Variants in OSBPL5 observed in about 807,000 individuals in gnomAD.
OSBPL5 encodes oxysterol-binding protein-related protein 5.
OSBPL5 carries 71 observed loss-of-function variants against 111.2 expected under a neutral mutation model. The observed-to-expected ratio is 0.64, with a 90% CI of 0.53 to 0.78. The LOEUF is 0.78. OSBPL5 is among the 30% of genes least tolerant of loss of function. OSBPL5 has a pLI of 0.00. For missense variants in OSBPL5, 1,210 were observed against 1,189.3 expected, an observed-to-expected ratio of 1.02 and a Z score of -0.26; for synonymous variants, 549 against 513.9, an observed-to-expected ratio of 1.07 and a Z score of -0.93.
Position 3,148,175 on chromosome 11 carries a change from C to T in OSBPL5, c.-22+17041G>A, listed in dbSNP as rs534722414. On this transcript the variant is annotated intron_variant, in intron 1 of 21. Transcript: ENST00000263650. The stretch of plus-strand genomic sequence containing the variant: ...TGTATACAGTACAGCCGGGACTCCC[C>T]GGGGAGCAGGTCGGAAACCGCACCT... Among the ~76,000 whole-genome samples, 7 of 152,222 alleles carry T rather than the reference C, an allele frequency of 4.6e-5. No individual in the cohort carries two copies. The East Asian group carries it at 5.8e-4, about 13-fold the overall frequency.
At chr11:3,117,221 G>T (rs946475601) in intron 7 of OSBPL5, among the ~76,000 whole-genome samples, 2 of 152,198 alleles carry the variant, frequency 1.3e-5, no homozygotes, top group South Asian at 4.1e-4. Flanking sequence ...TGGAACCAAT[G>T]AAAGCCCCTT....
At chr11:3,102,129 G>T (rs955105008) in intron 12 of OSBPL5, 54 bp downstream of exon 12, 9 of 1,503,768 alleles carry the variant, frequency 6.0e-6, no homozygotes, top group African/African-American at 1.4e-5. Flanking sequence ...CCCCCACAGA[G>T]CCCCGCCCCA....
Position 3,113,654 on chromosome 11 carries a change from C to CAA in OSBPL5, c.692-5711_692-5710dup, listed in dbSNP as rs71035486. On this transcript the variant is annotated intron_variant, in intron 7 of 21. Coordinates refer to ENST00000263650, the MANE Select transcript of OSBPL5 (RefSeq NM_020896.4). This position sits in a 1 kb window ranked among gnomAD's most constrained non-coding sequence, Gnocchi z 4.8. Reference sequence around the variant, plus strand: ...GGGAGACTAGAGCAAGACTCCGTCTCAAAAAAAAAAAAATTTATATTGGTT... The same window carrying CAA: ...GGGAGACTAGAGCAAGACTCCGTCTCAAAAAAAAAAAAAAATTTATATTGGTT... Among the ~76,000 whole-genome samples the CAA allele has an allele frequency of 2.7e-5, 4 of 146,060 alleles. No individual in the cohort carries two copies. The highest frequency in any genetic ancestry group is 1.0e-4 in the African/African-American group (4 of 39,482).
At chr11:3,131,684 A>ACCCT in intron 1 of OSBPL5, among the ~76,000 whole-genome samples, 1 of 140,454 alleles carries the variant, frequency 7.1e-6, no homozygotes. Flanking sequence ...CCATCCACCC[A>ACCCT]CCCACCCATT....
At chr11:3,100,377 G>C in intron 13 of OSBPL5, 121 bp from the exon 14 acceptor site, 1 of 798,064 alleles carries the variant, frequency 1.3e-6, no homozygotes, top group Non-Finnish European at 2.1e-6. Context: ...GGCACTTCCA[G>C]TGGTGTGTCT....
chr11:3,165,036 G>T lies in OSBPL5; in HGVS notation c.-22+180C>A, dbSNP rs1165662603. On this transcript the variant is annotated intron_variant, in intron 1 of 21. Transcript: ENST00000263650. The surrounding 1 kb of genome is among the most constrained non-coding windows in gnomAD (Gnocchi z 7.4). ...CAGCGCGCGACCGGCCCCGCGGCGT[G>T]GTTCCCCGCACTGGCTACTGCCAGG... 2.0e-5 allele frequency among the ~76,000 whole-genome samples: 3 copies of T among 150,806 alleles called. No homozygotes were observed. The highest frequency in any genetic ancestry group is 3.0e-5 in the Non-Finnish European group (2 of 67,572).
chr11:3,114,632 T>C (rs991016687), intron 7 of OSBPL5, among the ~76,000 whole-genome samples: 3 of 128,356 alleles, frequency 2.3e-5, no homozygotes, highest in African/African-American at 9.1e-5. Flanking sequence ...AGAGTCTCGC[T>C]CTGTTGCCCA....
chr11:3,090,476 C>T, intron 20 of OSBPL5, 82 bp downstream of exon 20: 1 of 1,543,168 alleles, frequency 6.5e-7, no homozygotes, highest in Non-Finnish European at 8.8e-7. Context: ...GCAGGTGCTT[C>T]TCTGGCCTCC....
In OSBPL5 at chr11:3,136,924, G is replaced by A. The variant is rs184869027; in HGVS notation, c.-21-7755C>T. ...TTCTGCCTAAACCAGATAGATTCTCGTTCAAGACTGTGGAGGGGAAATGCT... is the reference window on the plus strand; with the variant it reads ...TTCTGCCTAAACCAGATAGATTCTCATTCAAGACTGTGGAGGGGAAATGCT... On this transcript the variant is annotated intron_variant, in intron 1 of 21. Coordinates refer to ENST00000263650, the MANE Select transcript of OSBPL5 (RefSeq NM_020896.4). Among the ~76,000 whole-genome samples the A allele has an allele frequency of 9.2e-5, 14 of 152,348 alleles. No individual in the cohort carries two copies. The East Asian group carries it at 2.3e-3, about 25-fold the overall frequency.
chr11:3,093,835 G>T lies in OSBPL5; in HGVS notation c.1720C>A (p.Pro574Thr). 4.3e-6 allele frequency: 7 copies of T among 1,610,396 alleles called. No homozygotes were observed. Among genetic ancestry groups the T allele is most frequent in the Non-Finnish European group, 5.9e-6 (7 of 1,179,570 alleles). Residue 574 changes from proline (P) to threonine (T), a missense_variant and splice_region_variant, in exon 16 of 22, where the codon CCC (proline) becomes ACC (threonine). Pro to Thr is a conservative substitution (Grantham distance 38). Transcript: ENST00000263650. ...FQAQLEFKLK[P>T]FFGGSTSINQ... is the part of the protein sequence containing the mutation. ...ATGCTGGTGCTACCCCCGAAGAAGG[G>T]CTGCGGGGCCACACCCAGAACAGAG...
At position 3,092,868 on chromosome 11, in the gene OSBPL5, C is replaced by G; in HGVS notation, c.2131G>C (p.Asp711His). 1 of 1,535,562 alleles carries G rather than the reference C, an allele frequency of 6.5e-7. No individual in the cohort carries two copies. Among genetic ancestry groups the G allele is most frequent in the Non-Finnish European group, 8.8e-7 (1 of 1,136,028 alleles). ...CCCCAGGGCTTTGTCGGCACTCACT[C>G]CTCGTATCGGTAGTGCCACTCCTGG... ...ITQEWHYRYE[D>H]HSPWDPLKDI... Residue 711 changes from aspartate to histidine, a missense_variant and splice_region_variant, in exon 18 of 22, where the codon GAC (aspartate) becomes CAC (histidine). Asp to His is a moderately conservative substitution (Grantham distance 81). Coordinates refer to ENST00000263650, the MANE Select transcript of OSBPL5 (RefSeq NM_020896.4). This position sits in a 1 kb window ranked among gnomAD's most constrained non-coding sequence, Gnocchi z 5.4.
chr11:3,108,286 T>G (rs1180883231), intron 7 of OSBPL5, among the ~76,000 whole-genome samples: 2 of 149,248 alleles, frequency 1.3e-5, no homozygotes, highest in East Asian at 3.9e-4. Context: ...CCACCCACAT[T>G]GCTGACGAGG....
At chr11:3,111,350 T>A (rs1857921720) in intron 7 of OSBPL5, among the ~76,000 whole-genome samples, 1 of 147,172 alleles carries the variant, frequency 6.8e-6, no homozygotes, top group South Asian at 2.1e-4. Flanking sequence ...GGAAGATGAA[T>A]TTTTTTTTTT....
rs1380456386 is a variant in OSBPL5 at position 3,141,511 on chromosome 11, C to T, written c.-21-12342G>A. Among the ~76,000 whole-genome samples the T allele has an allele frequency of 6.6e-6, 1 of 152,174 alleles. No homozygotes were observed. Among genetic ancestry groups the T allele is most frequent in the East Asian group, 1.9e-4 (1 of 5,188 alleles). On this transcript the variant is annotated intron_variant, in intron 1 of 21. Transcript: ENST00000263650. This position sits in a 1 kb window ranked among gnomAD's most constrained non-coding sequence, Gnocchi z 6.5. ...ACAGAAGGACCCCCAATCTGTCTTC[C>T]GCTGTGGTGGAGAGCTTGCCAAAGT...
intron 11 of OSBPL5, among the ~76,000 whole-genome samples, chr11:3,102,920 G>A (rs767782508): frequency 1.3e-5 from 2 of 152,164 alleles, no homozygotes; most frequent in Non-Finnish European, 2.9e-5. Context: ...AAGGTTTAAA[G>A]CTCCTTTCTT....
chr11:3,095,558 A>G (rs1857229577), intron 14 of OSBPL5, among the ~76,000 whole-genome samples: 1 of 152,204 alleles, frequency 6.6e-6, no homozygotes, highest in Admixed American at 6.5e-5. Flanking sequence ...TTGGCCAAAG[A>G]TGGGGCAATT....
Position 3,161,955 on chromosome 11 carries a change from T to C in OSBPL5, c.-22+3261A>G, listed in dbSNP as rs1846979085. On this transcript the variant is annotated intron_variant, in intron 1 of 21. Transcript: ENST00000263650. The surrounding 1 kb of genome is among the most constrained non-coding windows in gnomAD (Gnocchi z 8.0). ...GAAGCCGGGGCTGACGCCAGACCCC[T>C]GTGAGCAAGGAGGGGAGAGGGAGGG... Among the ~76,000 whole-genome samples, 1 of 139,602 alleles carries C rather than the reference T, an allele frequency of 7.2e-6. No individual in the cohort carries two copies. The allele number at this position is 139,602 out of a possible 152,430, so 91.6% of individuals were successfully genotyped here. A position where few individuals can be genotyped will look rare whatever the true frequency, so the allele number is the denominator to read the frequency against.
intron 1 of OSBPL5, among the ~76,000 whole-genome samples, chr11:3,144,896 A>C (rs1846287934): frequency 6.6e-6 from 1 of 152,224 alleles, no homozygotes; most frequent in African/African-American, 2.4e-5. Context: ...GATCTTCAGT[A>C]ACATCTGTAC....
At position 3,092,967 on chromosome 11, in the gene OSBPL5, G is replaced by A. The variant is rs930734353; in HGVS notation, c.2032C>T (p.Arg678Trp). 7 of 1,598,938 alleles carry A rather than the reference G, an allele frequency of 4.4e-6. No individual in the cohort carries two copies. Among genetic ancestry groups the A allele is most frequent in the African/African-American group, 1.3e-5 (1 of 74,938 alleles). Residue 678 changes from arginine (R) to tryptophan (W), a missense_variant, in exon 18 of 22, where the codon CGG (arginine) becomes TGG (tryptophan). By Grantham distance (101) the Arg-to-Trp change is moderately radical (BLOSUM62 -3). Transcript: ENST00000263650. This position sits in a 1 kb window ranked among gnomAD's most constrained non-coding sequence, Gnocchi z 5.4. The part of the protein sequence containing the change: ...QEKFALEEAQ[R>W]QRARERQESL... ...TCCTGCCGCTCACGGGCCCGCTGCC[G>A]CTGTGCCTCCTCCAGTGCAAACTTC... is the stretch of plus-strand genomic sequence containing the variant.
Sources: allele counts gnomAD v4.1 joint callset (sites outside exome capture counted in the v4.1 genomes callset), GRCh38; gene constraint gnomAD v4.1.1; non-coding constraint Gnocchi (gnomAD v3.1); transcripts MANE v1.5; gene names NCBI Gene and HGNC (gene_info 2026-07-23, HGNC 2026-07-21).